The following PTRH1 variants were observed in gnomAD, a reference collection of about 807,000 sequenced individuals.
The protein encoded by PTRH1 is peptidyl-tRNA hydrolase.
A neutral mutation model predicts 15.7 loss-of-function variants in PTRH1; 13 were observed. The ratio of observed to expected loss-of-function variants is 0.83; its 90% confidence interval spans 0.54 to 1.31. The LOEUF is 1.31. Among genes scored for constraint, PTRH1 ranks in the 40% most tolerant of loss-of-function variants. The pLI is 0.00. For synonymous variants in PTRH1, 139 were observed against 136.7 expected, an observed-to-expected ratio of 1.02 and a Z score of -0.12; for missense variants, 319 against 296.2, an observed-to-expected ratio of 1.08 and a Z score of -0.56.
At chr9:127,699,770 C>T (rs911735396) in intron 1 of PTRH1, among the ~76,000 whole-genome samples, 9 of 151,962 alleles carry the variant, frequency 5.9e-5, no homozygotes, top group Admixed American at 5.2e-4. Context: ...AGAACAGTCT[C>T]TTCCTAGGAG....
rs1588382328 is a variant in PTRH1 at position 127,698,859 on chromosome 9, C to T, written c.206-3718G>A. Among the ~76,000 whole-genome samples the T allele has an allele frequency of 1.3e-5, 2 of 151,958 alleles. 1 individual carries two copies. Among genetic ancestry groups the T allele is most frequent in the South Asian group, 4.1e-4 (2 of 4,824 alleles). On this transcript the variant is annotated intron_variant, in intron 1 of 2. Coordinates refer to the PTRH1 transcript ENST00000335223. ...TGGGTTAAAGTTCCTGAATTAGCCGCCCCTGGAGCTGTCCCTGTCCCAGCA... is the reference window on the plus strand; with the variant it reads ...TGGGTTAAAGTTCCTGAATTAGCCGTCCCTGGAGCTGTCCCTGTCCCAGCA...
At chr9:127,714,824 C>A in intron 2 of PTRH1, 122 bp from the exon 3 acceptor site, 1 of 1,072,732 alleles carries the variant, frequency 9.3e-7, no homozygotes, top group Non-Finnish European at 1.4e-6. Context: ...TGAGGCCCCC[C>A]GAAGTACCCA....
downstream of PTRH1, chr9:127,711,575 C>G (rs1041345832): frequency 4.6e-6 from 7 of 1,527,722 alleles, no homozygotes; most frequent in South Asian, 5.0e-5. Flanking sequence ...GGGGTAGAGT[C>G]AGGGGCAGTC....
chr9:127,711,109 C>A, downstream of PTRH1: 1 of 1,315,116 alleles, frequency 7.6e-7, no homozygotes, highest in Non-Finnish European at 1.0e-6. Flanking sequence ...CCCAACCCTC[C>A]CAGGGAGAGA....
Position 127,715,033 on chromosome 9 carries a change from C to T in PTRH1, c.258G>A (p.Leu86=). ...TAAGCCGCCGTGGCCGGAGCAGGACCAGTTGGGCATCCCCCAGCGGGGCCA... is the reference window on the plus strand; with the variant it reads ...TAAGCCGCCGTGGCCGGAGCAGGACTAGTTGGGCATCCCCCAGCGGGGCCA... ...LALAPLGDAQ[L]VLLRPRRLMN... The change falls in exon 2 of 5, where the codon CTG becomes CTA. Residue 86 remains leucine, a synonymous_variant. Coordinates refer to ENST00000543175, the MANE Select transcript of PTRH1 (RefSeq NM_001002913.3). This position sits in a 1 kb window ranked among gnomAD's most constrained non-coding sequence, Gnocchi z 5.8. The T allele has an allele frequency of 6.6e-7, 1 of 1,522,992 alleles. No individual in the cohort carries two copies. The allele number at this position is 1,522,992 out of a possible 1,614,324, so 94.3% of individuals were successfully genotyped here. A position where few individuals can be genotyped will look rare whatever the true frequency, so the allele number is the denominator to read the frequency against.
At chr9:127,708,908 G>T (rs1842704002), downstream of PTRH1, among the ~76,000 whole-genome samples, 1 of 152,210 alleles carries the variant, frequency 6.6e-6, no homozygotes, top group Admixed American at 6.5e-5. Flanking sequence ...AGTTATGGAG[G>T]GATGCAGAGC....
At position 127,695,383 on chromosome 9, in the gene PTRH1, A is replaced by C. The variant is rs1296241336; in HGVS notation, c.206-242T>G. ...TATAAAGCTTCAATGTTGCAGGCTG[A>C]AAGAGTGAGGGTCGTGATCAACTCA... On this transcript the variant is annotated intron_variant, in intron 1 of 2. Transcript: ENST00000335223. 1.0e-5 allele frequency: 5 copies of C among 492,798 alleles called. No homozygotes were observed. In the East Asian group the frequency reaches 1.3e-4, roughly 13 times the overall value. The allele number at this position is 492,798 out of a possible 1,614,324, so 30.5% of individuals were successfully genotyped here. A position where few individuals can be genotyped will look rare whatever the true frequency, so the allele number is the denominator to read the frequency against.
At chr9:127,706,520 A>G (rs895812562) in intron 1 of PTRH1, among the ~76,000 whole-genome samples, 1 of 152,132 alleles carries the variant, frequency 6.6e-6, no homozygotes, top group Admixed American at 6.5e-5. Context: ...GCACACAGGC[A>G]TGGCTGGCTG....
At chr9:127,702,344 G>T (rs1344263072) in intron 1 of PTRH1, among the ~76,000 whole-genome samples, 1 of 150,074 alleles carries the variant, frequency 6.7e-6, no homozygotes, top group Admixed American at 6.7e-5. Flanking sequence ...CTGCACTCCA[G>T]CCTGGGTGAC....
intron 1 of PTRH1, among the ~76,000 whole-genome samples, chr9:127,697,430 TG>T (rs1842570134): frequency 6.6e-6 from 1 of 152,016 alleles, no homozygotes; most frequent in Admixed American, 6.6e-5. Context: ...GAGGCCGAGG[TG>T]GGCGGATCGC....
In PTRH1 at chr9:127,706,897, G is replaced by T. The variant is rs547361927; in HGVS notation, c.205+8538C>A. On this transcript the variant is annotated intron_variant, in intron 1 of 2. Transcript: ENST00000335223. ...CTGCCTTGGAGTGGGACCTGGTACC[G>T]GCACCCAGCAAGAAGAGGGCAGGGT... is the stretch of plus-strand genomic sequence containing the variant. 4 of 1,051,638 alleles carry T rather than the reference G, an allele frequency of 3.8e-6. No homozygotes were observed. In the African/African-American group the frequency reaches 6.4e-5, roughly 17 times the overall value. The allele number at this position is 1,051,638 out of a possible 1,614,324, so 65.1% of individuals were successfully genotyped here. A position where few individuals can be genotyped will look rare whatever the true frequency, so the allele number is the denominator to read the frequency against.
exon 2 of PTRH1, chr9:127,695,004 G>A (rs1314159033): frequency 2.8e-6 from 2 of 702,874 alleles, no homozygotes; most frequent in South Asian, 3.0e-5. Flanking sequence ...TGCCCGTGGA[G>A]GCGGGAAGCT....
At chr9:127,713,508 T>C (rs1357340443), downstream of PTRH1, 12 of 274,978 alleles carry the variant, frequency 4.4e-5, no homozygotes, top group Non-Finnish European at 7.1e-5. Flanking sequence ...TTTTTTTTTT[T>C]TTTTTTTTTT....
downstream of PTRH1, chr9:127,711,567 G>C: frequency 3.9e-6 from 6 of 1,551,192 alleles, no homozygotes; most frequent in South Asian, 4.8e-5. Flanking sequence ...GCCCTGCAGG[G>C]GTAGAGTCAG....
rs763805931 is a variant in PTRH1, at chr9:127,715,657, C to T, written c.-18G>A. 3 of 1,607,624 alleles carry T rather than the reference C, an allele frequency of 1.9e-6. No homozygotes were observed. Among genetic ancestry groups the T allele is most frequent in the African/African-American group, 2.7e-5 (2 of 74,842 alleles). On this transcript the variant is annotated 5_prime_UTR_variant, in exon 1 of 5. Coordinates refer to ENST00000543175, the MANE Select transcript of PTRH1 (RefSeq NM_001002913.3). The surrounding 1 kb of genome is among the most constrained non-coding windows in gnomAD (Gnocchi z 5.8). ...GGCCTCATGCTGCCCCCATTCACTC[C>T]GACACCGCCCCCTGACGTCATCACC... is the stretch of plus-strand genomic sequence containing the variant.
At chr9:127,697,947 A>T (rs537010852) in intron 1 of PTRH1, among the ~76,000 whole-genome samples, 20 of 152,216 alleles carry the variant, frequency 1.3e-4, no homozygotes, top group Non-Finnish European at 2.8e-4. Flanking sequence ...AAACTGTTCT[A>T]CTTCAAAATT....
At chr9:127,711,003 G>A (rs1842753569), downstream of PTRH1, among the ~76,000 whole-genome samples, 1 of 152,122 alleles carries the variant, frequency 6.6e-6, no homozygotes, top group Admixed American at 6.5e-5. Flanking sequence ...CCACTTATTG[G>A]GATTAAATCA....
chr9:127,711,869 A>C (rs1161822001), downstream of PTRH1: 1 of 1,586,006 alleles, frequency 6.3e-7, no homozygotes, highest in Non-Finnish European at 8.6e-7. Context: ...CAGGACACCA[A>C]GGAGGCCGAG....
chr9:127,707,247 G>A, intron 1 of PTRH1: 1 of 1,583,120 alleles, frequency 6.3e-7, no homozygotes, highest in Non-Finnish European at 8.6e-7. Flanking sequence ...CCCATGCCCA[G>A]GTGGCCCCCA....
Sources: gnomAD v4.1 joint callset for allele counts (sites outside exome capture counted in the v4.1 genomes callset) on GRCh38, gnomAD v4.1.1 for gene constraint, Gnocchi (gnomAD v3.1) non-coding constraint, MANE v1.5 for transcripts, NCBI Gene and HGNC (gene_info 2026-07-23, HGNC 2026-07-21) for gene names.